PRUNE2: variants seen among roughly 807,000 people sequenced by gnomAD.
The protein encoded by PRUNE2 is protein prune homolog 2.
In PRUNE2, 164 loss-of-function variants were observed where a neutral mutation model predicts 252.0. The observed-to-expected ratio is 0.65, with a 90% confidence interval of 0.57 to 0.74. The LOEUF is 0.74. Among genes scored for constraint, PRUNE2 ranks in the 30% least tolerant of loss-of-function variants. The pLI is 0.00. For missense variants in PRUNE2, 3,495 were observed against 3,711.0 expected (o/e 0.94, Z 1.51); for synonymous variants, 1,292 against 1,350.2 (o/e 0.96, Z 0.94).
chr9:76,872,277 C>T (rs1043769971), intron 1 of PRUNE2, among the ~76,000 whole-genome samples: 2 of 152,186 alleles, frequency 1.3e-5, no homozygotes, highest in South Asian at 2.1e-4. Context: ...CTTCTAGAAA[C>T]GTCTCTTCTA....
intron 6 of PRUNE2, among the ~76,000 whole-genome samples, chr9:76,719,896 C>T (rs2047480583): frequency 6.6e-6 from 1 of 152,148 alleles, no homozygotes; most frequent in Non-Finnish European, 1.5e-5. Flanking sequence ...ATCCTCCCAC[C>T]TTGGCCTCTC....
rs1019677398 is a variant in PRUNE2, at chr9:76,897,322, T to A, written c.36+8606A>T. ...GGTATGAGGAAGAAGGTCCTAGAAT[T>A]GAAGTCAGGTGATCCGGAAGCAAAC... On this transcript the variant is annotated intron_variant, in intron 1 of 18. Coordinates refer to ENST00000376718, the MANE Select transcript of PRUNE2 (RefSeq NM_015225.3). Among the ~76,000 whole-genome samples the A allele has an allele frequency of 2.7e-5, 4 of 150,326 alleles. No homozygotes were observed. The South Asian group carries it at 8.4e-4, about 31-fold the overall frequency.
chr9:76,880,040 A>T, intron 1 of PRUNE2, among the ~76,000 whole-genome samples: 1 of 146,784 alleles, frequency 6.8e-6, no homozygotes, highest in East Asian at 2.1e-4. Flanking sequence ...CAGCCTCCCG[A>T]GTAGCTGGGA....
Position 76,709,331 on chromosome 9 carries a change from G to T in PRUNE2, c.2943C>A (p.Asp981Glu), listed in dbSNP as rs775573390. 1.2e-6 allele frequency: 2 copies of T among 1,613,792 alleles called. No individual in the cohort carries two copies. Among genetic ancestry groups the T allele is most frequent in the East Asian group, 4.5e-5 (2 of 44,868 alleles). ...DSYTSPTFAGDEKETEHKPFA... is the reference protein window; with the variant it reads ...DSYTSPTFAGEEKETEHKPFA... ...ATGGCTTGTGTTCAGTTTCCTTTTCGTCTCCAGCAAATGTTGGTGATGTGT... is the reference window on the plus strand; with the variant it reads ...ATGGCTTGTGTTCAGTTTCCTTTTCTTCTCCAGCAAATGTTGGTGATGTGT... The change falls in exon 8 of 19, where the codon GAC becomes GAA. Residue 981 changes from aspartate to glutamate, a missense_variant. Coordinates refer to ENST00000376718, the MANE Select transcript of PRUNE2 (RefSeq NM_015225.3).
chr9:76,666,321 T>C (rs2040154919), intron 9 of PRUNE2, among the ~76,000 whole-genome samples: 1 of 152,178 alleles, frequency 6.6e-6, no homozygotes, highest in Non-Finnish European at 1.5e-5. Flanking sequence ...CCACCTCTTG[T>C]GGAGGGCCTG....
At chr9:76,827,963 T>C (rs1421899807) in intron 4 of PRUNE2, among the ~76,000 whole-genome samples, 1 of 152,246 alleles carries the variant, frequency 6.6e-6, no homozygotes, top group East Asian at 1.9e-4. Flanking sequence ...AATTACTGAG[T>C]GCCTTTTATC....
chr9:76,815,181 C>T (rs1369158314), intron 6 of PRUNE2, among the ~76,000 whole-genome samples: 1 of 152,168 alleles, frequency 6.6e-6, no homozygotes, highest in Middle Eastern at 3.2e-3. Flanking sequence ...ACATTTTTAT[C>T]AGAGTGTTTC....
At chr9:76,905,148 C>T (rs1294862787) in intron 1 of PRUNE2, among the ~76,000 whole-genome samples, 1 of 151,956 alleles carries the variant, frequency 6.6e-6, no homozygotes, top group Non-Finnish European at 1.5e-5. Context: ...TACTGCTGTG[C>T]TGGAGAGCCA....
chr9:76,718,502 A>G (rs2047354274), intron 6 of PRUNE2, among the ~76,000 whole-genome samples: 3 of 152,192 alleles, frequency 2.0e-5, no homozygotes, highest in Admixed American at 2.0e-4. Flanking sequence ...ACAGTATTCC[A>G]TGAGATTGAC....
intron 6 of PRUNE2, among the ~76,000 whole-genome samples, chr9:76,808,071 G>A (rs913436034): frequency 9.2e-5 from 14 of 152,248 alleles, no homozygotes; most frequent in Non-Finnish European, 1.6e-4. Flanking sequence ...CCAGCTACTC[G>A]GGAGGCTGAG....
intron 1 of PRUNE2, among the ~76,000 whole-genome samples, chr9:76,876,389 C>A (rs1358417523): frequency 6.6e-6 from 1 of 152,180 alleles, no homozygotes; most frequent in African/African-American, 2.4e-5. Flanking sequence ...CTCCTGCTCA[C>A]AATACTGACC....
chr9:76,809,196 C>T (rs984280732), intron 6 of PRUNE2, among the ~76,000 whole-genome samples: 13 of 152,162 alleles, frequency 8.5e-5, no homozygotes, highest in Admixed American at 8.5e-4. Flanking sequence ...GTGCTTCTTT[C>T]GTATAGGTAG....
chr9:76,729,106 A>T (rs2048353849), intron 6 of PRUNE2, among the ~76,000 whole-genome samples: 1 of 152,218 alleles, frequency 6.6e-6, no homozygotes, highest in Admixed American at 6.5e-5. Context: ...ACGGAGCTAC[A>T]GAATTTCTGA....
At chr9:76,858,338 G>T (rs1359270952) in intron 1 of PRUNE2, among the ~76,000 whole-genome samples, 1 of 152,152 alleles carries the variant, frequency 6.6e-6, no homozygotes. Context: ...GCTGAGGTGA[G>T]GTTCATTAGA....
At position 76,709,264 on chromosome 9, in the gene PRUNE2, T is replaced by A. The variant is rs750791386; in HGVS notation, c.3010A>T (p.Thr1004Ser). The change falls in exon 8 of 19, where the codon ACG (threonine) becomes TCG (serine). Residue 1004 changes from threonine (T) to serine (S), a missense_variant. Coordinates refer to ENST00000376718, the MANE Select transcript of PRUNE2 (RefSeq NM_015225.3). ...EGFESKDGNSTAEETDIPPQS... is the reference protein window; with the variant it reads ...EGFESKDGNSSAEETDIPPQS... ...GGAGGAATGTCAGTCTCCTCTGCCGTGGAGTTACCATCTTTTGACTCAAAA... is the reference window on the plus strand; with the variant it reads ...GGAGGAATGTCAGTCTCCTCTGCCGAGGAGTTACCATCTTTTGACTCAAAA... 2 of 1,613,694 alleles carry A rather than the reference T, an allele frequency of 1.2e-6. No individual in the cohort carries two copies. The highest frequency in any genetic ancestry group is 1.7e-6 in the Non-Finnish European group (2 of 1,179,826).
intron 17 of PRUNE2, 98 bp downstream of exon 17, chr9:76,624,354 G>A: frequency 1.4e-6 from 1 of 699,844 alleles, no homozygotes; most frequent in Non-Finnish European, 2.2e-6. Context: ...TTATTATCAG[G>A]AAGCAGGAAT....
At chr9:76,731,280 C>CTCTCTCTA (rs1403056135) in intron 6 of PRUNE2, among the ~76,000 whole-genome samples, 2 of 86,848 alleles carry the variant, frequency 2.3e-5, no homozygotes, top group Non-Finnish European at 4.5e-5. Context: ...TATTCCCTCT[C>CTCTCTCTA]TCTATCTATC....
At chr9:76,694,424 C>A (rs1048439672) in intron 9 of PRUNE2, among the ~76,000 whole-genome samples, 4 of 152,146 alleles carry the variant, frequency 2.6e-5, no homozygotes, top group Non-Finnish European at 5.9e-5. Context: ...CTCAGGTGAT[C>A]CTCTCACCTT....
intron 6 of PRUNE2, among the ~76,000 whole-genome samples, chr9:76,771,851 C>T (rs907001610): frequency 6.6e-6 from 1 of 152,118 alleles, no homozygotes; most frequent in African/African-American, 2.4e-5. Flanking sequence ...GTGTGGTTTG[C>T]AGACCACACC....
Sources: allele counts gnomAD v4.1 joint callset (sites outside exome capture counted in the v4.1 genomes callset), GRCh38; gene constraint gnomAD v4.1.1; transcripts MANE v1.5; gene names NCBI Gene and HGNC (gene_info 2026-07-23, HGNC 2026-07-21).